The following ARHGAP29 variants were observed in gnomAD, a reference collection of about 807,000 sequenced individuals.
ARHGAP29 encodes Rho GTPase activating protein 29, also known as rho GTPase-activating protein 29.
In ARHGAP29, 43 loss-of-function variants were observed where a neutral mutation model predicts 122.6. The observed-to-expected ratio is 0.35, with a 90% CI of 0.27 to 0.45. The LOEUF is 0.45. ARHGAP29 is among the 20% of genes least tolerant of loss of function. The pLI, the probability that ARHGAP29 is intolerant of heterozygous loss-of-function variation, is 1.00. For synonymous variants in ARHGAP29, 506 were observed against 497.1 expected, an observed-to-expected ratio of 1.02 and a Z score of -0.24; for missense variants, 1,303 against 1,477.2, an observed-to-expected ratio of 0.88 and a Z score of 1.93.
intron 12 of ARHGAP29, among the ~76,000 whole-genome samples, chr1:94,198,401 G>A (rs1650603061): frequency 6.6e-6 from 1 of 152,008 alleles, no homozygotes; most frequent in Non-Finnish European, 1.5e-5. Flanking sequence ...AGCCCAGGAG[G>A]GTGAGGCTGC....
the ARHGAP29 span, among the ~76,000 whole-genome samples, chr1:94,286,712 G>A: frequency 1.2e-4 from 18 of 152,030 alleles, no homozygotes; most frequent in African/African-American, 4.3e-4. Flanking sequence ...AAACAGAGAG[G>A]ATGAATAGAT....
At chr1:94,289,811 T>C in the ARHGAP29 span, among the ~76,000 whole-genome samples, 1 of 152,262 alleles carries the variant, frequency 6.6e-6, no homozygotes, top group Admixed American at 6.5e-5. Flanking sequence ...TTTGCCTATG[T>C]TGAACCAGCC....
At chr1:94,254,344 G>T (rs1007420774) in intron 1 of ARHGAP29, among the ~76,000 whole-genome samples, 4 of 152,256 alleles carry the variant, frequency 2.6e-5, no homozygotes, top group African/African-American at 9.6e-5. Flanking sequence ...TATCCTACTA[G>T]CCAAAAAACT....
chr1:94,210,521 A>G (rs1436413192), intron 3 of ARHGAP29, among the ~76,000 whole-genome samples: 1 of 152,236 alleles, frequency 6.6e-6, no homozygotes, highest in Non-Finnish European at 1.5e-5. Context: ...CCAAAATTTT[A>G]TATGCATAAG....
In ARHGAP29 at chr1:94,178,419, G is replaced by GA. The variant is rs532988354; in HGVS notation, c.2481-253dup. On this transcript the variant is annotated intron_variant, in intron 20 of 22. Coordinates refer to ENST00000260526, the MANE Select transcript of ARHGAP29 (RefSeq NM_004815.4). ...ACTACTATAGTTTTACCAGCAGAAAGAAAAAATACCCCTAAAAACTGCTCC... is the reference window on the plus strand; with the variant it reads ...ACTACTATAGTTTTACCAGCAGAAAGAAAAAAATACCCCTAAAAACTGCTCC... Among the ~76,000 whole-genome samples, 871 of 152,206 alleles carry GA rather than the reference G, an allele frequency of 5.7e-3. 11 individuals are homozygous for GA. Among genetic ancestry groups the GA allele is most frequent in the African/African-American group, 0.02 (827 of 41,544 alleles).
the ARHGAP29 span, among the ~76,000 whole-genome samples, chr1:94,291,773 A>T: frequency 6.6e-6 from 1 of 152,184 alleles, no homozygotes; most frequent in Non-Finnish European, 1.5e-5. Flanking sequence ...AATGTTGAAT[A>T]TTGGCCCCCA....
chr1:94,268,180 T>C (rs1479738418), intron 1 of ARHGAP29, among the ~76,000 whole-genome samples: 1 of 152,232 alleles, frequency 6.6e-6, no homozygotes, highest in East Asian at 1.9e-4. Flanking sequence ...TAGTTTAATT[T>C]AAATATTTGT....
chr1:94,184,769 C>T, intron 18 of ARHGAP29, 103 bp downstream of exon 18: 4 of 1,010,104 alleles, frequency 4.0e-6, no homozygotes, highest in Non-Finnish European at 5.6e-6. Context: ...CAGAACAAAA[C>T]AAAAAAAACC....
the ARHGAP29 span, among the ~76,000 whole-genome samples, chr1:94,297,429 T>C: frequency 6.6e-6 from 1 of 152,234 alleles, no homozygotes; most frequent in Non-Finnish European, 1.5e-5. Context: ...TGAGCACTTA[T>C]GTGAGCTGGG....
chr1:94,186,671 T>C, intron 15 of ARHGAP29, 74 bp from the exon 16 acceptor site: 2 of 1,103,192 alleles, frequency 1.8e-6, no homozygotes, highest in Middle Eastern at 4.1e-4. Flanking sequence ...GACAACACTT[T>C]TGAAATAACA....
chr1:94,277,786 G>A (rs180891965), upstream of ARHGAP29, among the ~76,000 whole-genome samples: 426 of 152,330 alleles, frequency 2.8e-3, 1 homozygote, highest in Non-Finnish European at 4.7e-3. Flanking sequence ...GAGGAAGAAA[G>A]GAAGAAGAAT....
chr1:94,228,277 G>A (rs957102529), intron 2 of ARHGAP29, among the ~76,000 whole-genome samples: 6 of 151,574 alleles, frequency 4.0e-5, no homozygotes, highest in Non-Finnish European at 8.9e-5. Flanking sequence ...TCATTAATTT[G>A]TTTTCATATA....
chr1:94,290,213 T>C, the ARHGAP29 span, among the ~76,000 whole-genome samples: 5 of 151,824 alleles, frequency 3.3e-5, no homozygotes, highest in Admixed American at 6.6e-5. Flanking sequence ...TCTATTCGGG[T>C]CTATTCATCA....
At chr1:94,287,163 C>G in the ARHGAP29 span, among the ~76,000 whole-genome samples, 1 of 152,206 alleles carries the variant, frequency 6.6e-6, no homozygotes, top group South Asian at 2.1e-4. Context: ...TAAACACTTT[C>G]GTTTACTGGT....
At chr1:94,174,875 C>G in intron 22 of ARHGAP29, 126 bp from the exon 23 acceptor site, 1 of 1,071,532 alleles carries the variant, frequency 9.3e-7, no homozygotes, top group South Asian at 1.6e-5. Flanking sequence ...ATAATATTCT[C>G]AGTTACCTAT....
Position 94,178,159 on chromosome 1 carries a change from T to C in ARHGAP29, c.2489A>G (p.Asp830Gly). 6.2e-7 allele frequency: 1 copy of C among 1,612,328 alleles called. No homozygotes were observed. Among genetic ancestry groups the C allele is most frequent in the South Asian group, 1.1e-5 (1 of 90,880 alleles). Residue 830 changes from aspartate to glycine, a missense_variant, in exon 21 of 23, where the codon GAT (aspartate) becomes GGT (glycine). Transcript: ENST00000260526. The part of the protein sequence containing the change: ...FLIVHLKRVV[D>G]HAEENKMNSK... ...GTTCATCTTGTTTTCTTCTGCATGATCTACTACCCTGCAAAGTAGAACACA... is the reference window on the plus strand; with the variant it reads ...GTTCATCTTGTTTTCTTCTGCATGACCTACTACCCTGCAAAGTAGAACACA...
chr1:94,234,282 A>T (rs1653115208), intron 1 of ARHGAP29, among the ~76,000 whole-genome samples: 1 of 152,258 alleles, frequency 6.6e-6, no homozygotes. Context: ...AACTATCTGC[A>T]GATAGGCTTA....
At chr1:94,253,499 T>C (rs1158543629) in intron 1 of ARHGAP29, among the ~76,000 whole-genome samples, 1 of 152,202 alleles carries the variant, frequency 6.6e-6, no homozygotes, top group African/African-American at 2.4e-5. Context: ...GTTCTACAAA[T>C]TTACTCCTAT....
intron 1 of ARHGAP29, among the ~76,000 whole-genome samples, chr1:94,251,098 C>T (rs1039678544): frequency 2.6e-4 from 40 of 151,866 alleles, no homozygotes; most frequent in Non-Finnish European, 4.7e-4. Context: ...TAGTGATACA[C>T]TTTTAATTAT....
Sources: gnomAD v4.1 joint callset for allele counts (sites outside exome capture counted in the v4.1 genomes callset) on GRCh38, gnomAD v4.1.1 for gene constraint, MANE v1.5 for transcripts, NCBI Gene and HGNC (gene_info 2026-07-23, HGNC 2026-07-21) for gene names.